The following CSMD1 variants were observed in gnomAD, a reference collection of about 807,000 sequenced individuals.
CSMD1 encodes the protein CUB and sushi domain-containing protein 1.
In CSMD1, 213 loss-of-function variants were observed where a neutral mutation model predicts 417.5. The observed-to-expected ratio is 0.51, with a 90% CI of 0.46 to 0.57. The LOEUF (loss-of-function observed/expected upper bound fraction) is 0.57, where lower values mean the gene tolerates loss of function less well. CSMD1 is among the 20% of genes least tolerant of loss of function. CSMD1 has a pLI of 0.00. For synonymous variants in CSMD1, 2,862 were observed against 1,736.8 expected (o/e 1.65, Z -16.11); for missense variants, 6,923 against 4,529.7 (o/e 1.53, Z -15.17).
chr8:3,360,263 C>T (rs914926997), intron 20 of CSMD1, among the ~76,000 whole-genome samples: 1 of 152,178 alleles, frequency 6.6e-6, no homozygotes, highest in Non-Finnish European at 1.5e-5. Flanking sequence ...AAATAAATGT[C>T]TGATATTTTG....
chr8:3,065,871 G>A (rs556678151), intron 49 of CSMD1, among the ~76,000 whole-genome samples: 2 of 152,270 alleles, frequency 1.3e-5, no homozygotes, highest in Admixed American at 1.3e-4. Flanking sequence ...CATAAAATCT[G>A]GCTCATTATA....
chr8:4,732,872 G>A (rs1039426612), intron 1 of CSMD1, among the ~76,000 whole-genome samples: 7 of 152,170 alleles, frequency 4.6e-5, no homozygotes, highest in African/African-American at 1.4e-4. Context: ...CATTTAGCAA[G>A]CATTTATATG....
At chr8:3,910,478 T>A (rs867851027) in intron 5 of CSMD1, among the ~76,000 whole-genome samples, 11 of 152,350 alleles carry the variant, frequency 7.2e-5, no homozygotes, top group South Asian at 6.2e-4. Flanking sequence ...GTTCACTTTA[T>A]ATTTTGAAAG....
At chr8:3,260,060 T>A (rs1468012904) in intron 26 of CSMD1, among the ~76,000 whole-genome samples, 1 of 152,198 alleles carries the variant, frequency 6.6e-6, no homozygotes, top group Non-Finnish European at 1.5e-5. Flanking sequence ...TACAGAACTA[T>A]AATTATGAAA....
At chr8:4,408,827 C>G (rs1796486179) in intron 3 of CSMD1, among the ~76,000 whole-genome samples, 2 of 152,088 alleles carry the variant, frequency 1.3e-5, no homozygotes, top group Admixed American at 6.6e-5. Flanking sequence ...AGGGGGAAAC[C>G]TTTTAGACTA....
intron 3 of CSMD1, among the ~76,000 whole-genome samples, chr8:4,120,203 T>A (rs13279427): frequency 0.99 from 150,637 of 152,278 alleles, 74,532 homozygotes; most frequent in East Asian, 1. Context: ...TCCACAAAAT[T>A]TAAAATAAAA....
chr8:4,809,770 A>G (rs191118726), intron 1 of CSMD1, among the ~76,000 whole-genome samples: 1 of 152,364 alleles, frequency 6.6e-6, no homozygotes, highest in East Asian at 1.9e-4. Flanking sequence ...ATGTTTTTTT[A>G]CACTAAATAT....
chr8:3,782,528 G>A (rs1247981671), intron 5 of CSMD1, among the ~76,000 whole-genome samples: 1 of 152,198 alleles, frequency 6.6e-6, no homozygotes, highest in Non-Finnish European at 1.5e-5. Flanking sequence ...GATAGCATGA[G>A]GAGAAATACC....
At chr8:3,321,005 C>T (rs1017505576) in intron 23 of CSMD1, among the ~76,000 whole-genome samples, 1 of 152,114 alleles carries the variant, frequency 6.6e-6, no homozygotes, top group Admixed American at 6.5e-5. Context: ...CATCTCTTCC[C>T]CAAAAATGGC....
At chr8:4,520,203 G>A (rs1353622442) in intron 2 of CSMD1, among the ~76,000 whole-genome samples, 1 of 152,082 alleles carries the variant, frequency 6.6e-6, no homozygotes, top group East Asian at 1.9e-4. Flanking sequence ...CAATATCGTG[G>A]CAGAAAGATT....
At chr8:3,164,788 T>G (rs1382732120) in intron 37 of CSMD1, among the ~76,000 whole-genome samples, 2 of 152,188 alleles carry the variant, frequency 1.3e-5, no homozygotes, top group Non-Finnish European at 2.9e-5. Flanking sequence ...CAAAATATTT[T>G]GAAATGAAAA....
At position 2,966,516 on chromosome 8, in the gene CSMD1, A is replaced by G. The variant is rs993341278; in HGVS notation, c.9100+54T>C. 5.7e-5 allele frequency: 87 copies of G among 1,514,884 alleles called. No individual in the cohort carries two copies. The African/African-American group carries it at 7.4e-4, about 13-fold the overall frequency. 93.8% of individuals were successfully genotyped at this position (1,514,884 alleles called of 1,614,324 possible). A position where few individuals can be genotyped will look rare whatever the true frequency, so the allele number is the denominator to read the frequency against. ...CACCTTAAAGTCATTTTTTTTCCCA[A>G]TGGAGTGAATTTCATAGTAACGTCT... On this transcript the variant is annotated intron_variant, in intron 58 of 69. Transcript: ENST00000635120.
chr8:3,882,390 T>A (rs1806266513), intron 5 of CSMD1, among the ~76,000 whole-genome samples: 1 of 152,132 alleles, frequency 6.6e-6, no homozygotes, highest in South Asian at 2.1e-4. Flanking sequence ...AAATACAATT[T>A]TAAAAACAGG....
chr8:4,227,105 G>T (rs923137316), intron 3 of CSMD1, among the ~76,000 whole-genome samples: 1 of 152,130 alleles, frequency 6.6e-6, no homozygotes, highest in African/African-American at 2.4e-5. Flanking sequence ...GTCTTTTCTG[G>T]GAAGGAAATC....
chr8:3,629,868 T>A (rs1055230481), intron 7 of CSMD1, among the ~76,000 whole-genome samples: 1 of 152,346 alleles, frequency 6.6e-6, no homozygotes, highest in Non-Finnish European at 1.5e-5. Context: ...AAACTAGTTG[T>A]ACAGGAAATC....
At chr8:3,187,745 C>G in intron 36 of CSMD1, 124 bp downstream of exon 36, 1 of 695,800 alleles carries the variant, frequency 1.4e-6, no homozygotes, top group Admixed American at 2.3e-5. Flanking sequence ...CTAGAGCAAC[C>G]ATTATGGAGA....
chr8:4,396,013 T>C (rs1197004122), intron 3 of CSMD1, among the ~76,000 whole-genome samples: 2 of 152,172 alleles, frequency 1.3e-5, no homozygotes, highest in South Asian at 4.1e-4. Flanking sequence ...TTTATAATCA[T>C]TTTGTTCTAA....
chr8:3,287,251 G>T (rs1313653811), intron 25 of CSMD1, among the ~76,000 whole-genome samples: 1 of 151,154 alleles, frequency 6.6e-6, no homozygotes, highest in Non-Finnish European at 1.5e-5. Context: ...CTCCAGCTTT[G>T]TTCTTTTGGC....
At chr8:3,964,149 G>A (rs1005417102) in intron 5 of CSMD1, among the ~76,000 whole-genome samples, 1 of 152,160 alleles carries the variant, frequency 6.6e-6, no homozygotes, top group Non-Finnish European at 1.5e-5. Flanking sequence ...ACCCAAGAGG[G>A]TGAAGACCAA....
Sources: gnomAD v4.1 joint callset for allele counts (sites outside exome capture counted in the v4.1 genomes callset) on GRCh38, gnomAD v4.1.1 for gene constraint, MANE v1.5 for transcripts, NCBI Gene and HGNC (gene_info 2026-07-23, HGNC 2026-07-21) for gene names.